RTN1: variants seen among roughly 807,000 people sequenced by gnomAD.
The protein encoded by RTN1 is reticulon-1.
In RTN1, 25 loss-of-function variants were observed where a neutral mutation model predicts 65.5. The ratio of observed to expected loss-of-function variants is 0.38; its 90% CI spans 0.28 to 0.53. RTN1 has a LOEUF of 0.53. Ranked by LOEUF, RTN1 falls within the 20% of genes least tolerant of loss-of-function variation. The pLI is 0.79. For missense variants in RTN1, 983 were observed against 1,025.4 expected (o/e 0.96, Z 0.57); for synonymous variants, 471 against 447.6 (o/e 1.05, Z -0.66).
chr14:59,775,994 T>C (rs1397687923), intron 1 of RTN1, among the ~76,000 whole-genome samples: 10 of 152,152 alleles, frequency 6.6e-5, no homozygotes, highest in Non-Finnish European at 8.8e-5. Flanking sequence ...ATAAAGATGA[T>C]TCAATTAATG....
chr14:59,785,512 TC>T (rs1016195751), intron 1 of RTN1, among the ~76,000 whole-genome samples: 1 of 152,224 alleles, frequency 6.6e-6, no homozygotes, highest in Non-Finnish European at 1.5e-5. Context: ...TTCTTTCCCA[TC>T]TGTTTGGAAA....
rs1887877140 is a variant in RTN1 at position 59,870,417 on chromosome 14, G to A, written c.214C>T (p.Pro72Ser). The A allele has an allele frequency of 7.9e-6, 12 of 1,523,970 alleles. No individual in the cohort carries two copies. Among genetic ancestry groups the A allele is most frequent in the South Asian group, 1.2e-5 (1 of 82,302 alleles). The allele number at this position is 1,523,970 out of a possible 1,614,324, so 94.4% of individuals were successfully genotyped here. The change falls in exon 1 of 9, where the codon CCC becomes TCC. Residue 72 changes from proline (P) to serine (S), a missense_variant. Pro to Ser is a moderately conservative substitution (Grantham distance 74). This residue lies in a region of RTN1 where 818 missense variants were observed against 801.8 expected (regional missense o/e 1.02). Transcript: ENST00000267484. The surrounding 1 kb of genome is among the most constrained non-coding windows in gnomAD (Gnocchi z 5.1). ...GTGGATGCAGTTTCCATGGCAACGG[G>A]CGACTGCCGGGCGGGGCCCGAGCCG... ...EAGSGPARQS[P>S]VAMETASTGV...
intron 1 of RTN1, among the ~76,000 whole-genome samples, chr14:59,856,362 C>T (rs957195231): frequency 3.3e-5 from 5 of 152,194 alleles, no homozygotes; most frequent in African/African-American, 1.2e-4. Flanking sequence ...CCTGTACTGG[C>T]GGGTAGCAGG....
At chr14:59,843,827 T>C (rs1328029189) in intron 1 of RTN1, among the ~76,000 whole-genome samples, 1 of 152,216 alleles carries the variant, frequency 6.6e-6, no homozygotes, top group Non-Finnish European at 1.5e-5. Context: ...CTAATGTCAT[T>C]TGTTTTCAAA....
chr14:59,814,087 C>T (rs1886776715), intron 1 of RTN1, among the ~76,000 whole-genome samples: 2 of 152,158 alleles, frequency 1.3e-5, no homozygotes, highest in African/African-American at 4.8e-5. Context: ...TTCCACAAAG[C>T]CTTATTTGAC....
At chr14:59,815,098 T>TCA (rs1886796517) in intron 1 of RTN1, among the ~76,000 whole-genome samples, 1 of 152,184 alleles carries the variant, frequency 6.6e-6, no homozygotes, top group Non-Finnish European at 1.5e-5. Context: ...TGAGATGCAA[T>TCA]CACTTGGAAA....
At chr14:59,680,642 T>C (rs1456986172) in intron 3 of RTN1, among the ~76,000 whole-genome samples, 3 of 152,180 alleles carry the variant, frequency 2.0e-5, no homozygotes, top group Non-Finnish European at 2.9e-5. Context: ...AATTTGGCAA[T>C]AGGAGCCTTA....
chr14:59,823,822 G>A (rs1386412828), intron 1 of RTN1, among the ~76,000 whole-genome samples: 4 of 152,148 alleles, frequency 2.6e-5, no homozygotes, highest in Non-Finnish European at 2.9e-5. Context: ...TAGCAAGGTT[G>A]GGGAAATTTT....
rs1026850758 is a variant in RTN1 at position 59,868,551 on chromosome 14, G to T, written c.241+1839C>A. 6.6e-6 allele frequency among the ~76,000 whole-genome samples: 1 copy of T among 151,944 alleles called. No homozygotes were observed. Among genetic ancestry groups the T allele is most frequent in the South Asian group, 2.1e-4 (1 of 4,806 alleles). ...ATTGCTAAAAGAGTAAATTTTAAACGCTTTTACCACAAAAAAAAAGTACAT... is the reference window on the plus strand; with the variant it reads ...ATTGCTAAAAGAGTAAATTTTAAACTCTTTTACCACAAAAAAAAAGTACAT... On this transcript the variant is annotated intron_variant, in intron 1 of 8. Transcript: ENST00000267484. The surrounding 1 kb of genome is among the most constrained non-coding windows in gnomAD (Gnocchi z 4.0).
chr14:59,704,453 G>A (rs1884246301), intron 3 of RTN1, among the ~76,000 whole-genome samples: 1 of 152,100 alleles, frequency 6.6e-6, no homozygotes. Context: ...CAGGGGAAGG[G>A]GAAACAGAAA....
At chr14:59,777,066 C>G (rs1410210808) in intron 1 of RTN1, among the ~76,000 whole-genome samples, 1 of 152,182 alleles carries the variant, frequency 6.6e-6, no homozygotes, top group African/African-American at 2.4e-5. Context: ...GAAGACTGAA[C>G]ATGTCAGCAT....
Position 59,868,534 on chromosome 14 carries a change from A to G in RTN1, c.241+1856T>C, listed in dbSNP as rs1195388713. On this transcript the variant is annotated intron_variant, in intron 1 of 8. Transcript: ENST00000267484. The surrounding 1 kb of genome is among the most constrained non-coding windows in gnomAD (Gnocchi z 4.0). Reference sequence around the variant, plus strand: ...GCACTGTACATTTTGAAATTGCTAAAAGAGTAAATTTTAAACGCTTTTACC... The same window carrying G: ...GCACTGTACATTTTGAAATTGCTAAGAGAGTAAATTTTAAACGCTTTTACC... Among the ~76,000 whole-genome samples, 1 of 152,222 alleles carries G rather than the reference A, an allele frequency of 6.6e-6. No individual in the cohort carries two copies. Among genetic ancestry groups the G allele is most frequent in the African/African-American group, 2.4e-5 (1 of 41,458 alleles).
chr14:59,709,055 G>A (rs912962589), intron 3 of RTN1, among the ~76,000 whole-genome samples: 8 of 152,150 alleles, frequency 5.3e-5, no homozygotes, highest in African/African-American at 1.9e-4. Context: ...ATCTGCATAT[G>A]AACTAGGCAT....
chr14:59,827,734 A>G (rs1399271916), intron 1 of RTN1, among the ~76,000 whole-genome samples: 1 of 152,196 alleles, frequency 6.6e-6, no homozygotes, highest in East Asian at 1.9e-4. Context: ...GAAAAGGCTC[A>G]GGTCAGCCAA....
At chr14:59,815,267 G>A (rs749077453) in intron 1 of RTN1, among the ~76,000 whole-genome samples, 3 of 152,168 alleles carry the variant, frequency 2.0e-5, no homozygotes, top group Non-Finnish European at 4.4e-5. Flanking sequence ...TCCCTCTTGG[G>A]TTTTATACTT....
intron 3 of RTN1, among the ~76,000 whole-genome samples, chr14:59,648,473 G>T (rs748029874): frequency 1.4e-4 from 22 of 152,084 alleles, no homozygotes; most frequent in Non-Finnish European, 3.1e-4. Context: ...CCAAAACCTG[G>T]CAGAGACACA....
intron 1 of RTN1, among the ~76,000 whole-genome samples, chr14:59,776,375 C>T (rs1193191361): frequency 6.6e-6 from 1 of 152,108 alleles, no homozygotes. Context: ...CCCTATTTTG[C>T]TCTCTTGCTC....
intron 3 of RTN1, among the ~76,000 whole-genome samples, chr14:59,608,577 T>C (rs1447668404): frequency 6.6e-6 from 1 of 152,230 alleles, no homozygotes; most frequent in Non-Finnish European, 1.5e-5. Flanking sequence ...GCTACAGACT[T>C]ACCTCAGGCT....
chr14:59,727,044 G>T lies in RTN1; in HGVS notation c.1640C>A (p.Thr547Lys), dbSNP rs776096398. The change falls in exon 3 of 9, where the codon ACG becomes AAG. Residue 547 changes from threonine (T) to lysine (K), a missense_variant. Transcript: ENST00000267484. This position sits in a 1 kb window ranked among gnomAD's most constrained non-coding sequence, Gnocchi z 4.2. ...TTCAGGCTTCCGTGGCAACATGGGC[G>T]TCTCAGGCTCCAGGGCTCCGTCTCC... ...PPGDGALEPE[T>K]PMLPRKPEED... is the part of the protein sequence containing the mutation. The T allele has an allele frequency of 1.2e-6, 2 of 1,613,342 alleles. No individual in the cohort carries two copies. Among genetic ancestry groups the T allele is most frequent in the South Asian group, 2.2e-5 (2 of 90,868 alleles).
Sources: allele counts gnomAD v4.1 joint callset (sites outside exome capture counted in the v4.1 genomes callset), GRCh38; gene constraint gnomAD v4.1.1; regional missense constraint gnomAD v4.1.1; non-coding constraint Gnocchi (gnomAD v3.1); transcripts MANE v1.5; gene names NCBI Gene and HGNC (gene_info 2026-07-23, HGNC 2026-07-21).